The following GHR variants were observed in gnomAD, a reference collection of about 807,000 sequenced individuals.
The protein encoded by GHR is GH receptor.
Under a neutral mutation model 67.1 loss-of-function variants are expected in GHR, and 35 were observed. The observed-to-expected ratio is 0.52, with a 90% CI of 0.40 to 0.69. GHR has a LOEUF of 0.69. Ranked by LOEUF, GHR falls within the 30% of genes least tolerant of loss-of-function variation. The probability of loss-of-function intolerance (pLI) is 0.00; values close to 1 mark genes in which losing one functional copy is unlikely to be tolerated. For missense variants in GHR, 792 were observed against 764.6 expected (o/e 1.04, Z -0.42); for synonymous variants, 272 against 269.1 (o/e 1.01, Z -0.10).
chr5:42,509,591 C>A (rs1191973132), intron 1 of GHR, among the ~76,000 whole-genome samples: 1 of 152,294 alleles, frequency 6.6e-6, no homozygotes, highest in Admixed American at 6.5e-5. Flanking sequence ...CACTTTATTT[C>A]CCTCTTGCAT....
chr5:42,468,147 T>G, intron 1 of GHR: 1 of 1,295,742 alleles, frequency 7.7e-7, no homozygotes, highest in Non-Finnish European at 1.1e-6. Flanking sequence ...CTTCCTCTTC[T>G]GATCCATCAA....
At position 42,480,846 on chromosome 5, in the gene GHR, G is replaced by T. The variant is rs947951089; in HGVS notation, c.-12+56891G>T. Reference sequence around the variant, plus strand: ...TGGGTCTTGACTCTTTATCCAATTTGCCAGCCTGTGTCTTTTAATTGGAGC... The same window carrying T: ...TGGGTCTTGACTCTTTATCCAATTTTCCAGCCTGTGTCTTTTAATTGGAGC... On this transcript the variant is annotated intron_variant, in intron 1 of 9. Coordinates refer to ENST00000230882, the MANE Select transcript of GHR (RefSeq NM_000163.5). 3.3e-5 allele frequency among the ~76,000 whole-genome samples: 5 copies of T among 152,120 alleles called. No individual in the cohort carries two copies. In the East Asian group the frequency reaches 5.8e-4, roughly 18 times the overall value.
chr5:42,500,159 G>A (rs1341127280), intron 1 of GHR, among the ~76,000 whole-genome samples: 1 of 152,206 alleles, frequency 6.6e-6, no homozygotes, highest in East Asian at 1.9e-4. Context: ...AGTCGAGTGT[G>A]GGCTGGATTT....
rs527910197 is a variant in GHR, at chr5:42,603,167, T to C, written c.71-25871T>C. 3.3e-5 allele frequency among the ~76,000 whole-genome samples: 5 copies of C among 152,166 alleles called. No individual in the cohort carries two copies. In the South Asian group the frequency reaches 1.0e-3, roughly 32 times the overall value. On this transcript the variant is annotated intron_variant, in intron 2 of 9. Coordinates refer to ENST00000230882, the MANE Select transcript of GHR (RefSeq NM_000163.5). ...GTTTTTTTTTTCTTTTTTCAGCACT[T>C]GGAATATATCATTCAACTCCCTTCA...
chr5:42,613,877 C>T (rs1355032257), intron 2 of GHR, among the ~76,000 whole-genome samples: 1 of 152,090 alleles, frequency 6.6e-6, no homozygotes, highest in Non-Finnish European at 1.5e-5. Context: ...GGAAAATAAA[C>T]TGGCATTGCT....
chr5:42,653,433 C>T (rs1210926138), intron 3 of GHR, among the ~76,000 whole-genome samples: 5 of 152,076 alleles, frequency 3.3e-5, no homozygotes, highest in African/African-American at 1.2e-4. Context: ...CAGGTTTGCT[C>T]ATCCGGGCCC....
chr5:42,627,330 C>G (rs184474177), intron 2 of GHR, among the ~76,000 whole-genome samples: 2 of 152,184 alleles, frequency 1.3e-5, no homozygotes, highest in Non-Finnish European at 1.5e-5. Context: ...CCTACTGTGT[C>G]TAGGCGTGAG....
At chr5:42,504,155 C>G (rs1172034913) in intron 1 of GHR, among the ~76,000 whole-genome samples, 2 of 152,106 alleles carry the variant, frequency 1.3e-5, no homozygotes, top group Admixed American at 1.3e-4. Flanking sequence ...CAAAGCTTAT[C>G]AAACTCAAGA....
At chr5:42,714,516 GTTA>G (rs1235426328) in intron 8 of GHR, among the ~76,000 whole-genome samples, 1 of 152,136 alleles carries the variant, frequency 6.6e-6, no homozygotes, top group Non-Finnish European at 1.5e-5. Flanking sequence ...ACAGAATTTT[GTTA>G]GGAAGAAGAA....
intron 3 of GHR, among the ~76,000 whole-genome samples, chr5:42,678,437 C>T (rs1756675893): frequency 6.6e-6 from 1 of 152,126 alleles, no homozygotes. Context: ...GGGTAAAAGG[C>T]CAGTCTCTCC....
chr5:42,663,041 C>T (rs558781185), intron 3 of GHR, among the ~76,000 whole-genome samples: 1 of 152,238 alleles, frequency 6.6e-6, no homozygotes, highest in African/African-American at 2.4e-5. Flanking sequence ...CAAGACTAAA[C>T]CAGGAAGAGT....
intron 2 of GHR, among the ~76,000 whole-genome samples, chr5:42,602,296 G>A (rs973741246): frequency 6.6e-6 from 1 of 152,130 alleles, no homozygotes; most frequent in Non-Finnish European, 1.5e-5. Context: ...CTGCTACTTT[G>A]TACCATTTGA....
intron 1 of GHR, among the ~76,000 whole-genome samples, chr5:42,473,388 A>G (rs530251868): frequency 1.4e-4 from 22 of 152,236 alleles, no homozygotes; most frequent in African/African-American, 5.3e-4. Context: ...AATGGCCCAA[A>G]GATAATATTT....
chr5:42,654,265 C>G (rs1283523106), intron 3 of GHR, among the ~76,000 whole-genome samples: 1 of 152,094 alleles, frequency 6.6e-6, no homozygotes, highest in Non-Finnish European at 1.5e-5. Flanking sequence ...ATAATACAAA[C>G]TGTCTTCTGT....
At chr5:42,496,809 T>TAA (rs1194618648) in intron 1 of GHR, among the ~76,000 whole-genome samples, 1 of 152,204 alleles carries the variant, frequency 6.6e-6, no homozygotes, top group Non-Finnish European at 1.5e-5. Flanking sequence ...TAATGAATTT[T>TAA]ACCTCATTTC....
chr5:42,579,201 CAGATAGAT>C (rs1424219601), intron 2 of GHR, among the ~76,000 whole-genome samples: 2 of 132,874 alleles, frequency 1.5e-5, no homozygotes, highest in Non-Finnish European at 3.3e-5. Context: ...GATAGATAGA[CAGATAGAT>C]AGATATAATT....
chr5:42,510,665 G>A (rs563211103), intron 1 of GHR, among the ~76,000 whole-genome samples: 103 of 152,204 alleles, frequency 6.8e-4, no homozygotes, highest in Non-Finnish European at 1.2e-3. Flanking sequence ...GACTGAAGGC[G>A]ACTCAAGGAA....
chr5:42,534,325 CATGTGTAT>C (rs1381159237), intron 1 of GHR, among the ~76,000 whole-genome samples: 5 of 86,916 alleles, frequency 5.8e-5, no homozygotes, highest in Admixed American at 1.1e-4. Context: ...TATATATGTA[CATGTGTAT>C]ATGTGTATAT....
At chr5:42,482,508 C>T (rs533329329) in intron 1 of GHR, among the ~76,000 whole-genome samples, 1 of 152,314 alleles carries the variant, frequency 6.6e-6, no homozygotes, top group African/African-American at 2.4e-5. Context: ...GGCAGGCCTC[C>T]TTGAGCTGTG....
Sources: gnomAD v4.1 joint callset for allele counts (sites outside exome capture counted in the v4.1 genomes callset) on GRCh38, gnomAD v4.1.1 for gene constraint, MANE v1.5 for transcripts, NCBI Gene and HGNC (gene_info 2026-07-23, HGNC 2026-07-21) for gene names.